CSMD3: variants seen among roughly 807,000 people sequenced by gnomAD.
The protein encoded by CSMD3 is CUB and sushi domain-containing protein 3.
A neutral mutation model predicts 435.2 loss-of-function variants in CSMD3; 177 were observed. The observed-to-expected ratio is 0.41, with a 90% CI of 0.36 to 0.46. CSMD3 has a LOEUF of 0.46. Among genes scored for constraint, CSMD3 ranks in the 20% least tolerant of loss-of-function variants. CSMD3 has a pLI of 0.34. For synonymous variants in CSMD3, 1,656 were observed against 1,520.5 expected (o/e 1.09, Z -2.07); for missense variants, 4,265 against 4,504.6 (o/e 0.95, Z 1.52).
At chr8:113,332,210 C>T (rs2094033095) in intron 1 of CSMD3, among the ~76,000 whole-genome samples, 2 of 150,740 alleles carry the variant, frequency 1.3e-5, no homozygotes, top group Non-Finnish European at 3.0e-5. Context: ...AAATACTTTA[C>T]TGCTATAAAA....
At chr8:112,769,322 A>G (rs1203975988) in intron 13 of CSMD3, among the ~76,000 whole-genome samples, 1 of 152,006 alleles carries the variant, frequency 6.6e-6, no homozygotes, top group African/African-American at 2.4e-5. Context: ...TAAGACCTGC[A>G]TGATCTATAC....
At chr8:113,032,613 A>C (rs2087162812) in intron 5 of CSMD3, among the ~76,000 whole-genome samples, 2 of 151,650 alleles carry the variant, frequency 1.3e-5, no homozygotes, top group African/African-American at 4.8e-5. Flanking sequence ...TTTACGTTTA[A>C]AAGGAAAGTA....
intron 13 of CSMD3, among the ~76,000 whole-genome samples, chr8:112,717,003 G>T (rs1282556219): frequency 2.0e-5 from 3 of 152,100 alleles, no homozygotes; most frequent in Non-Finnish European, 4.4e-5. Context: ...CAGGATATGG[G>T]CATGGGTAAA....
chr8:112,483,972 G>T (rs1187116242), intron 31 of CSMD3, among the ~76,000 whole-genome samples: 1 of 152,166 alleles, frequency 6.6e-6, no homozygotes, highest in Non-Finnish European at 1.5e-5. Context: ...AATGGTTGAG[G>T]TCACTGCCTG....
chr8:113,053,286 T>A (rs1307740594), intron 5 of CSMD3, among the ~76,000 whole-genome samples: 1 of 152,170 alleles, frequency 6.6e-6, no homozygotes, highest in Non-Finnish European at 1.5e-5. Flanking sequence ...CAGCACTGGA[T>A]TGTATTCTTA....
intron 66 of CSMD3, among the ~76,000 whole-genome samples, chr8:112,239,375 T>A (rs1264367282): frequency 6.6e-6 from 1 of 152,118 alleles, no homozygotes; most frequent in Non-Finnish European, 1.5e-5. Flanking sequence ...TATGTAAGAT[T>A]TTCTCATTTA....
chr8:112,871,673 A>T (rs944096762), intron 10 of CSMD3, among the ~76,000 whole-genome samples: 1 of 152,120 alleles, frequency 6.6e-6, no homozygotes, highest in African/African-American at 2.4e-5. Flanking sequence ...TAAATAAGAG[A>T]CAGAGTTTTG....
intron 38 of CSMD3, among the ~76,000 whole-genome samples, chr8:112,370,163 T>C (rs12676507): frequency 0.39 from 59,279 of 151,330 alleles, 13,024 homozygotes; most frequent in Middle Eastern, 0.53. Context: ...TACAAAGTGA[T>C]CATCTTCATC....
chr8:113,113,354 A>G (rs978262432), intron 4 of CSMD3, among the ~76,000 whole-genome samples: 2 of 152,214 alleles, frequency 1.3e-5, no homozygotes, highest in Non-Finnish European at 2.9e-5. Context: ...ACAGCAATGA[A>G]CATAGTAATG....
chr8:113,351,729 G>A (rs2094191819), intron 1 of CSMD3, among the ~76,000 whole-genome samples: 1 of 152,068 alleles, frequency 6.6e-6, no homozygotes, highest in Admixed American at 6.6e-5. Context: ...AAAAACCTAT[G>A]AGATAAAGAT....
intron 32 of CSMD3, among the ~76,000 whole-genome samples, chr8:112,458,282 C>T (rs1020837662): frequency 6.2e-5 from 9 of 145,386 alleles, no homozygotes; most frequent in African/African-American, 2.2e-4. Flanking sequence ...CACTTAGCAT[C>T]CTTAGAGAAA....
chr8:113,342,563 C>A (rs1431068729), intron 1 of CSMD3, among the ~76,000 whole-genome samples: 1 of 152,086 alleles, frequency 6.6e-6, no homozygotes, highest in Admixed American at 6.6e-5. Flanking sequence ...AGGAACCTTG[C>A]AAGTAAAATT....
intron 1 of CSMD3, among the ~76,000 whole-genome samples, chr8:113,371,412 G>A (rs1289530460): frequency 1.3e-5 from 2 of 152,042 alleles, no homozygotes; most frequent in African/African-American, 4.8e-5. Context: ...TGCAGTACCT[G>A]TACATATGGC....
Position 113,158,197 on chromosome 8 carries a change from T to A in CSMD3, c.709+15525A>T, listed in dbSNP as rs111416064. Among the ~76,000 whole-genome samples, 777 of 139,462 alleles carry A rather than the reference T, an allele frequency of 5.6e-3. 2 individuals carry two copies. Among genetic ancestry groups the A allele is most frequent in the African/African-American group, 0.013 (474 of 37,842 alleles). The allele number at this position is 139,462 out of a possible 152,430, so 91.5% of individuals were successfully genotyped here. On this transcript the variant is annotated intron_variant, in intron 4 of 70. Transcript: ENST00000297405. ...AGTTCCAGACCAAAAAAAAAAAAAA[T>A]GTAAAGATGGGAAAAAGAAAACAAA...
intron 32 of CSMD3, among the ~76,000 whole-genome samples, chr8:112,442,345 T>G (rs1815121366): frequency 6.6e-6 from 1 of 152,242 alleles, no homozygotes; most frequent in Admixed American, 6.5e-5. Context: ...ATATCCAAAC[T>G]ATATCAGCAT....
chr8:112,638,967 G>A (rs934196586), intron 20 of CSMD3, 56 bp from the exon 21 acceptor site: 1 of 1,217,430 alleles, frequency 8.2e-7, no homozygotes, highest in East Asian at 2.4e-5. Flanking sequence ...AACACAGAGA[G>A]TTACTGTCAA....
intron 4 of CSMD3, among the ~76,000 whole-genome samples, chr8:113,147,728 C>T (rs1019728079): frequency 6.6e-6 from 1 of 151,610 alleles, no homozygotes; most frequent in Non-Finnish European, 1.5e-5. Context: ...GTCTCTGTTT[C>T]GCTTCCGTCA....
At chr8:112,829,100 A>G (rs2079786921) in intron 12 of CSMD3, among the ~76,000 whole-genome samples, 1 of 152,182 alleles carries the variant, frequency 6.6e-6, no homozygotes, top group South Asian at 2.1e-4. Flanking sequence ...TACATACAAT[A>G]AGGGCATTAC....
At chr8:113,400,193 T>C (rs540610551) in intron 1 of CSMD3, among the ~76,000 whole-genome samples, 14 of 152,090 alleles carry the variant, frequency 9.2e-5, no homozygotes, top group African/African-American at 3.4e-4. Flanking sequence ...AAAATGAAAT[T>C]TCCCATTTCA....
Sources: allele counts gnomAD v4.1 joint callset (sites outside exome capture counted in the v4.1 genomes callset), GRCh38; gene constraint gnomAD v4.1.1; transcripts MANE v1.5; gene names NCBI Gene and HGNC (gene_info 2026-07-23, HGNC 2026-07-21).